Variants in SHC2 observed in about 807,000 individuals in gnomAD.
SHC2 encodes SHC-transforming protein 2.
A neutral mutation model predicts 60.6 loss-of-function variants in SHC2; 62 were observed. That is an observed-to-expected ratio of 1.02 (90% CI 0.83 to 1.26). The LOEUF (loss-of-function observed/expected upper bound fraction) is 1.26. SHC2 is among the 50% of genes most tolerant of loss of function. The pLI is 0.00. For missense variants in SHC2, 873 were observed against 822.2 expected, an observed-to-expected ratio of 1.06 and a Z score of -0.76; for synonymous variants, 375 against 372.4, an observed-to-expected ratio of 1.01 and a Z score of -0.08.
intron 4 of SHC2, among the ~76,000 whole-genome samples, chr19:437,061 C>T (rs552285635): frequency 1.7e-4 from 26 of 152,270 alleles, no homozygotes; most frequent in Non-Finnish European, 3.4e-4. Context: ...GAAGCAGCCA[C>T]GGGAGGGACG....
intron 9 of SHC2, among the ~76,000 whole-genome samples, chr19:429,740 C>T (rs34167768): frequency 1.4e-5 from 2 of 140,712 alleles, no homozygotes. Context: ...AGTACCTATA[C>T]CCAACATGCT....
In SHC2 at chr19:425,854, C is replaced by A. The variant is rs1292038362; in HGVS notation, c.1175-623G>T. On this transcript the variant is annotated intron_variant, in intron 9 of 12. Coordinates refer to ENST00000264554, the MANE Select transcript of SHC2 (RefSeq NM_012435.3). This position sits in a 1 kb window ranked among gnomAD's most constrained non-coding sequence, Gnocchi z 4.1. ...GACCAGCCTGGCCAACATGGTGAAA[C>A]CCCGTCTCTACTAAAAATGCAAAAA... Among the ~76,000 whole-genome samples the A allele has an allele frequency of 6.6e-6, 1 of 151,918 alleles. No homozygotes were observed. Among genetic ancestry groups the A allele is most frequent in the Non-Finnish European group, 1.5e-5 (1 of 67,992 alleles).
intron 4 of SHC2, among the ~76,000 whole-genome samples, chr19:437,674 C>T (rs954872818): frequency 1.3e-5 from 2 of 152,144 alleles, no homozygotes; most frequent in Admixed American, 6.5e-5. Flanking sequence ...GTCACCCCCC[C>T]GCCAGCTCCA....
rs1009463353 is a variant in SHC2 at position 441,012 on chromosome 19, C to G, written c.469-80G>C. ...GTCCCTTTTCCCAGCAGCCCTTCGC[C>G]GCCTCCACCACCCCTGGGGTCGAGC... On this transcript the variant is annotated intron_variant, in intron 1 of 12. Transcript: ENST00000264554. This position sits in a 1 kb window ranked among gnomAD's most constrained non-coding sequence, Gnocchi z 4.9. 1 of 1,544,882 alleles carries G rather than the reference C, an allele frequency of 6.5e-7. No individual in the cohort carries two copies. Among genetic ancestry groups the G allele is most frequent in the South Asian group, 1.1e-5 (1 of 88,892 alleles).
intron 8 of SHC2, 119 bp downstream of exon 8, chr19:434,590 G>A (rs1974672950): frequency 3.4e-6 from 3 of 894,104 alleles, no homozygotes; most frequent in Admixed American, 4.8e-5. Flanking sequence ...GTGAGTCTGA[G>A]TGAGAGACCC....
At chr19:418,205 C>T (rs946576036) in intron 12 of SHC2, among the ~76,000 whole-genome samples, 4 of 152,192 alleles carry the variant, frequency 2.6e-5, no homozygotes, top group East Asian at 1.9e-4. Flanking sequence ...TGGGCTCACA[C>T]GCCAGCCCCT....
chr19:428,640 C>T (rs1399451071), intron 9 of SHC2, among the ~76,000 whole-genome samples: 3 of 152,196 alleles, frequency 2.0e-5, no homozygotes, highest in Non-Finnish European at 4.4e-5. Context: ...CTAACAGTGG[C>T]TGCCTGATCA....
At chr19:435,602 TCCAAGGCCAGCTGGCAAACCCCAGC>T (rs1391809576) in intron 7 of SHC2, among the ~76,000 whole-genome samples, 1 of 152,206 alleles carries the variant, frequency 6.6e-6, no homozygotes, top group African/African-American at 2.4e-5. Flanking sequence ...TAGCTCCTTC[TCCAAGGCCAGCTGGCAAACCCCAGC>T]CCAGGGCCAA....
rs1016083098 is a variant in SHC2 at position 425,502 on chromosome 19, A to G, written c.1175-271T>C. ...CTGTGGGCACCAGACGTCCACGCCC[A>G]GGGAGAAGGCAGCCGCTGCTCCACC... On this transcript the variant is annotated intron_variant, in intron 9 of 12. Transcript: ENST00000264554. The surrounding 1 kb of genome is among the most constrained non-coding windows in gnomAD (Gnocchi z 4.1). Among the ~76,000 whole-genome samples, 3 of 152,176 alleles carry G rather than the reference A, an allele frequency of 2.0e-5. No homozygotes were observed. The highest frequency in any genetic ancestry group is 4.4e-5 in the Non-Finnish European group (3 of 68,020).
intron 1 of SHC2, among the ~76,000 whole-genome samples, chr19:458,129 GCGGAAGTGGGTTCCGGGGAGA>G (rs1975407660): frequency 6.8e-6 from 1 of 146,748 alleles, no homozygotes; most frequent in Admixed American, 6.8e-5. Flanking sequence ...TCTTGGGGAG[GCGGAAGTGGGTTCCGGGGAGA>G]CGGAAGCGGG....
At chr19:458,821 G>A (rs924762216) in intron 1 of SHC2, among the ~76,000 whole-genome samples, 5 of 150,752 alleles carry the variant, frequency 3.3e-5, no homozygotes, top group African/African-American at 9.7e-5. Flanking sequence ...AGCGGGTCTT[G>A]GGGAGGCGGA....
At chr19:419,678 T>G (rs1974226490) in intron 11 of SHC2, 1 of 152,258 alleles carries the variant, frequency 6.6e-6, no homozygotes, top group South Asian at 2.1e-4. Flanking sequence ...TTTAAGCCAC[T>G]TCGTGTGTGG....
chr19:460,789 C>A lies in SHC2; in HGVS notation c.208G>T (p.Gly70Trp). The change falls in exon 1 of 13, where the codon GGG (glycine) becomes TGG (tryptophan). Residue 70 changes from glycine (G) to tryptophan (W), a missense_variant. Coordinates refer to ENST00000264554, the MANE Select transcript of SHC2 (RefSeq NM_012435.3). ...GCGGCCGCCAGCGCCGGGACGCCCC[C>A]CGGGCCCGCCGGCTCGGGTTGGGGG... is the stretch of plus-strand genomic sequence containing the variant. ...ADPQPEPAGP[G>W]GVPALAAAVL... The A allele has an allele frequency of 1.0e-6, 1 of 979,658 alleles. No individual in the cohort carries two copies. The highest frequency in any genetic ancestry group is 4.6e-5 in the South Asian group (1 of 21,820). The allele number at this position is 979,658 out of a possible 1,614,324, so 60.7% of individuals were successfully genotyped here.
chr19:449,982 C>T (rs73489613), intron 1 of SHC2, among the ~76,000 whole-genome samples: 1 of 152,154 alleles, frequency 6.6e-6, no homozygotes, highest in Non-Finnish European at 1.5e-5. Context: ...TTCTTTGACA[C>T]CCTGCGCCAC....
chr19:454,351 C>A (rs7257230), intron 1 of SHC2, among the ~76,000 whole-genome samples: 3,343 of 152,222 alleles, frequency 0.022, 128 homozygotes, highest in African/African-American at 0.075. Flanking sequence ...ACAAAAGGAG[C>A]CCCACAGAGA....
intron 9 of SHC2, among the ~76,000 whole-genome samples, chr19:427,388 G>A (rs1026370423): frequency 6.6e-6 from 1 of 152,212 alleles, no homozygotes; most frequent in Non-Finnish European, 1.5e-5. Context: ...AACGAGGGGC[G>A]CCTGCCGCGG....
At position 436,496 on chromosome 19, in the gene SHC2, C is replaced by A. The variant is rs756186057; in HGVS notation, c.775-65G>T. 21 of 1,595,622 alleles carry A rather than the reference C, an allele frequency of 1.3e-5. 1 individual carries two copies. In the South Asian group the frequency reaches 2.3e-4, roughly 18 times the overall value. On this transcript the variant is annotated intron_variant, in intron 5 of 12. Transcript: ENST00000264554. ...CCCACCGGGATTCCCAGCTGCCCACCCCAGCAATGCAGAGAGATGGGGCAG... is the reference window on the plus strand; with the variant it reads ...CCCACCGGGATTCCCAGCTGCCCACACCAGCAATGCAGAGAGATGGGGCAG...
chr19:455,047 A>G (rs1791830811), intron 1 of SHC2, among the ~76,000 whole-genome samples: 1 of 152,180 alleles, frequency 6.6e-6, no homozygotes, highest in Admixed American at 6.5e-5. Context: ...CCTGAATCCA[A>G]CGTGACCTTG....
At chr19:448,652 G>A (rs908862689) in intron 1 of SHC2, among the ~76,000 whole-genome samples, 1 of 152,078 alleles carries the variant, frequency 6.6e-6, no homozygotes, top group Non-Finnish European at 1.5e-5. Flanking sequence ...GGACAAACCA[G>A]CACCCGGGGG....
Sources: gnomAD v4.1 joint callset for allele counts (sites outside exome capture counted in the v4.1 genomes callset) on GRCh38, gnomAD v4.1.1 for gene constraint, Gnocchi (gnomAD v3.1) non-coding constraint, MANE v1.5 for transcripts, NCBI Gene and HGNC (gene_info 2026-07-23, HGNC 2026-07-21) for gene names.